PDS5A: variants seen among roughly 807,000 people sequenced by gnomAD.
PDS5A encodes sister chromatid cohesion protein PDS5 homolog A.
Under a neutral mutation model 167.1 loss-of-function variants are expected in PDS5A, and 42 were observed. The ratio of observed to expected loss-of-function variants is 0.25; its 90% CI spans 0.20 to 0.33. PDS5A has a LOEUF of 0.33. Among genes scored for constraint, PDS5A ranks in the 10% least tolerant of loss-of-function variants. The pLI is 1.00. For missense variants in PDS5A, 1,033 were observed against 1,605.9 expected (o/e 0.64, Z 6.10); for synonymous variants, 553 against 554.6 (o/e 1.00, Z 0.04).
At chr4:39,911,738 A>G (rs1723907206) in intron 9 of PDS5A, among the ~76,000 whole-genome samples, 1 of 151,780 alleles carries the variant, frequency 6.6e-6, no homozygotes, top group Admixed American at 6.6e-5. Context: ...AGGCTGAGGC[A>G]GGAGAATGGC....
intron 2 of PDS5A, among the ~76,000 whole-genome samples, chr4:39,942,292 C>T (rs1201496287): frequency 1.3e-5 from 2 of 152,232 alleles, no homozygotes; most frequent in East Asian, 1.9e-4. Context: ...TATCTTGAGC[C>T]TCTTTACAGC....
At chr4:39,948,072 C>CT (rs1224577392) in intron 2 of PDS5A, among the ~76,000 whole-genome samples, 9 of 151,908 alleles carry the variant, frequency 5.9e-5, no homozygotes, top group Admixed American at 2.0e-4. Context: ...GCAACAACTG[C>CT]AAGACCCCAT....
At chr4:39,955,669 G>A (rs1466629543) in intron 2 of PDS5A, among the ~76,000 whole-genome samples, 1 of 152,084 alleles carries the variant, frequency 6.6e-6, no homozygotes, top group African/African-American at 2.4e-5. Context: ...ATTACTGTGG[G>A]AGGCATGTGT....
At chr4:39,879,951 G>C (rs1169923896) in intron 17 of PDS5A, 118 bp from the exon 18 acceptor site, 2 of 573,284 alleles carry the variant, frequency 3.5e-6, no homozygotes, top group Non-Finnish European at 5.9e-6. Flanking sequence ...GTTTCTGTGG[G>C]GGAAAAAAGT....
chr4:39,953,185 C>T (rs1728575693), intron 2 of PDS5A, among the ~76,000 whole-genome samples: 1 of 152,140 alleles, frequency 6.6e-6, no homozygotes, highest in African/African-American at 2.4e-5. Context: ...ATACTTCTAC[C>T]TTAGGACACA....
chr4:39,950,069 C>A (rs377096443), intron 2 of PDS5A, among the ~76,000 whole-genome samples: 6 of 151,798 alleles, frequency 4.0e-5, no homozygotes, highest in Non-Finnish European at 8.8e-5. Context: ...CCACGCTTGG[C>A]TTATTTTCTA....
rs34704998 is a variant in PDS5A, at chr4:39,953,422, G to GTTT, written c.138+23015_138+23017dup. ...TCAAACCATCAATGGTGAAGAATCA[G>GTTT]TTTTTTTTTTTTTTTTCATTCCAAC... On this transcript the variant is annotated intron_variant, in intron 2 of 32. Coordinates refer to ENST00000303538, the MANE Select transcript of PDS5A (RefSeq NM_001100399.2). Among the ~76,000 whole-genome samples, 563 of 142,566 alleles carry GTTT rather than the reference G, an allele frequency of 3.9e-3. 4 individuals are homozygous for GTTT. The highest frequency in any genetic ancestry group is 0.014 in the African/African-American group (534 of 38,562). The allele number at this position is 142,566 out of a possible 152,430, so 93.5% of individuals were successfully genotyped here.
intron 26 of PDS5A, among the ~76,000 whole-genome samples, chr4:39,856,310 TAAAC>T (rs1165321182): frequency 6.6e-6 from 1 of 152,120 alleles, no homozygotes; most frequent in African/African-American, 2.4e-5. Flanking sequence ...ATTTTCCAAA[TAAAC>T]AAGAGCAAAG....
At position 39,977,580 on chromosome 4, in the gene PDS5A, GC is replaced by G. The variant is rs1413347555; in HGVS notation, c.-165del. ...GGGTCCCGCCGCCGCCGCCGCCGCC[GC>G]CCGCCCGCCCGGGAGCGGCGCTGGG... On this transcript the variant is annotated 5_prime_UTR_variant, in exon 1 of 33. Coordinates refer to ENST00000303538, the MANE Select transcript of PDS5A (RefSeq NM_001100399.2). The surrounding 1 kb of genome is among the most constrained non-coding windows in gnomAD (Gnocchi z 4.2). 24 of 157,396 alleles carry G rather than the reference GC, an allele frequency of 1.5e-4. No homozygotes were observed. The South Asian group carries it at 2.3e-3, about 15-fold the overall frequency. 9.7% of individuals were successfully genotyped at this position (157,396 alleles called of 1,614,324 possible). A position where few individuals can be genotyped will look rare whatever the true frequency, so the allele number is the denominator to read the frequency against.
At chr4:39,926,748 T>C (rs1247443788) in intron 4 of PDS5A, 27 bp downstream of exon 4, 16 of 1,300,718 alleles carry the variant, frequency 1.2e-5, no homozygotes, top group East Asian at 8.8e-5. Flanking sequence ...ATAATGTTAA[T>C]AGTTATTAAA....
chr4:39,862,993 A>G lies in PDS5A; in HGVS notation c.2847T>C (p.Tyr949=), dbSNP rs1719125335. 1.9e-6 allele frequency: 3 copies of G among 1,613,548 alleles called. No homozygotes were observed. The highest frequency in any genetic ancestry group is 4.5e-5 in the East Asian group (2 of 44,876). The change falls in exon 25 of 33, where the codon TAT becomes TAC. Residue 949 remains tyrosine (Y), a synonymous_variant. Coordinates refer to ENST00000303538, the MANE Select transcript of PDS5A (RefSeq NM_001100399.2). The part of the protein sequence containing the change: ...ALVKLLLPLE[Y]MAIFALCAKD... Reference sequence around the variant, plus strand: ...TGGCACACAAGGCAAAGATCGCCATATACTCCAATGGGAGCAGTAACTTCA... The same window carrying G: ...TGGCACACAAGGCAAAGATCGCCATGTACTCCAATGGGAGCAGTAACTTCA...
At chr4:39,941,590 A>G (rs1212651336) in intron 2 of PDS5A, among the ~76,000 whole-genome samples, 1 of 152,242 alleles carries the variant, frequency 6.6e-6, no homozygotes, top group Non-Finnish European at 1.5e-5. Context: ...AGCACAGTTA[A>G]TGCATAAAGC....
chr4:39,955,721 T>G (rs571181069), intron 2 of PDS5A, among the ~76,000 whole-genome samples: 1 of 152,016 alleles, frequency 6.6e-6, no homozygotes, highest in South Asian at 2.1e-4. Context: ...GGAGTGTTAC[T>G]GAGGAGTGAG....
intron 22 of PDS5A, among the ~76,000 whole-genome samples, chr4:39,868,285 T>C (rs534921119): frequency 6.7e-6 from 1 of 149,850 alleles, no homozygotes; most frequent in South Asian, 2.1e-4. Flanking sequence ...CTCAGCTTTC[T>C]GAGTAGGTGG....
Position 39,922,739 on chromosome 4 carries a change from G to T in PDS5A, c.537C>A (p.His179Gln). ...GCATGTGCATTTGTACCTTCTTATTGTGGCTATTGCTATAAAAAAAAAAAA... is the reference window on the plus strand; with the variant it reads ...GCATGTGCATTTGTACCTTCTTATTTTGGCTATTGCTATAAAAAAAAAAAA... Reference protein sequence around the residue: ...RTLFSVINNSHNKKVQMHMLD... With the variant: ...RTLFSVINNSQNKKVQMHMLD... Residue 179 changes from histidine to glutamine, a missense_variant, in exon 6 of 33, where the codon CAC (histidine) becomes CAA (glutamine). His to Gln is a conservative substitution (Grantham distance 24). This residue lies in a region of PDS5A where 388 missense variants were observed against 615.1 expected (regional missense o/e 0.63). Coordinates refer to ENST00000303538, the MANE Select transcript of PDS5A (RefSeq NM_001100399.2). 3 of 1,478,660 alleles carry T rather than the reference G, an allele frequency of 2.0e-6. No homozygotes were observed. Among genetic ancestry groups the T allele is most frequent in the Non-Finnish European group, 2.7e-6 (3 of 1,115,724 alleles). The allele number at this position is 1,478,660 out of a possible 1,614,324, so 91.6% of individuals were successfully genotyped here.
intron 2 of PDS5A, among the ~76,000 whole-genome samples, chr4:39,969,588 C>T (rs746540126): frequency 6.6e-6 from 1 of 151,990 alleles, no homozygotes; most frequent in Non-Finnish European, 1.5e-5. Context: ...ATCACTTGAA[C>T]CCAGGAAGCA....
intron 13 of PDS5A, 62 bp downstream of exon 13, chr4:39,902,285 T>G (rs558708241): frequency 5.5e-6 from 4 of 723,770 alleles, no homozygotes; most frequent in Non-Finnish European, 7.1e-6. Context: ...ACTAATTAGA[T>G]AAGATGAAGT....
intron 2 of PDS5A, among the ~76,000 whole-genome samples, chr4:39,968,124 T>C (rs1409464248): frequency 6.6e-6 from 1 of 152,108 alleles, no homozygotes; most frequent in Non-Finnish European, 1.5e-5. Flanking sequence ...ATTTTATTTT[T>C]TTAATTTTTA....
intron 22 of PDS5A, 165 bp from the exon 23 acceptor site, chr4:39,867,162 G>T: frequency 1.9e-6 from 1 of 521,514 alleles, no homozygotes; most frequent in Non-Finnish European, 3.3e-6. Context: ...TATTTACTCT[G>T]TGCTTAACCA....
Sources: gnomAD v4.1 joint callset for allele counts (sites outside exome capture counted in the v4.1 genomes callset) on GRCh38, gnomAD v4.1.1 for gene constraint, gnomAD v4.1.1 regional missense constraint, Gnocchi (gnomAD v3.1) non-coding constraint, MANE v1.5 for transcripts, NCBI Gene and HGNC (gene_info 2026-07-23, HGNC 2026-07-21) for gene names.